The following LOC400499 variants were observed in gnomAD, a reference collection of about 807,000 sequenced individuals.
At chr16:11,441,052 T>C in the LOC400499 span, 7 of 398,964 alleles carry the variant, frequency 1.8e-5, no homozygotes, top group Admixed American at 4.4e-5. Flanking sequence ...ACTTTCAAAG[T>C]GGCCTCGACC....
chr16:11,415,229 T>A, the LOC400499 span, among the ~76,000 whole-genome samples: 1 of 152,184 alleles, frequency 6.6e-6, no homozygotes, highest in Non-Finnish European at 1.5e-5. Flanking sequence ...AGTTTCTTCT[T>A]TGACTTAAAC....
chr16:11,460,727 T>G, the LOC400499 span: 1 of 1,386,954 alleles, frequency 7.2e-7, no homozygotes, highest in Non-Finnish European at 9.5e-7. Context: ...CATGCTTTGC[T>G]CCACCTGTCA....
At chr16:11,462,221 C>T in the LOC400499 span, 5 of 1,532,414 alleles carry the variant, frequency 3.3e-6, no homozygotes, top group Non-Finnish European at 4.4e-6. Context: ...GACGGGGCTG[C>T]CCCCCGTCAC....
At chr16:11,492,465 G>A in the LOC400499 span, among the ~76,000 whole-genome samples, 1 of 152,100 alleles carries the variant, frequency 6.6e-6, no homozygotes, top group Non-Finnish European at 1.5e-5. Context: ...GACAGTCAAT[G>A]AGATTAGCAT....
the LOC400499 span, among the ~76,000 whole-genome samples, chr16:11,445,290 G>A: frequency 6.6e-6 from 1 of 152,002 alleles, no homozygotes; most frequent in Non-Finnish European, 1.5e-5. Flanking sequence ...GAGTGGGAAT[G>A]CACGTCTGTT....
At chr16:11,384,424 A>G in the LOC400499 span, 1 of 573,844 alleles carries the variant, frequency 1.7e-6, no homozygotes, top group East Asian at 3.5e-5. Context: ...GATGAGCCTG[A>G]AGCACACAGA....
the LOC400499 span, among the ~76,000 whole-genome samples, chr16:11,381,947 A>ATT: frequency 7.7e-3 from 1,142 of 147,634 alleles, 10 homozygotes; most frequent in Middle Eastern, 0.014. Context: ...TCATTCTGGA[A>ATT]TTTTTTTTTT....
the LOC400499 span, among the ~76,000 whole-genome samples, chr16:11,496,933 T>C: frequency 1.4e-5 from 2 of 145,296 alleles, no homozygotes; most frequent in African/African-American, 5.2e-5. Flanking sequence ...TGTGTGTGTG[T>C]CTTGACAGGT....
the LOC400499 span, chr16:11,471,311 T>C: frequency 5.7e-6 from 1 of 175,146 alleles, no homozygotes. Context: ...ACAGACCTTA[T>C]CCAAGTAGCT....
At chr16:11,397,797 G>GGGATGGATGGATGGATGGATGGAT in the LOC400499 span, among the ~76,000 whole-genome samples, 2 of 142,268 alleles carry the variant, frequency 1.4e-5, no homozygotes, top group African/African-American at 5.5e-5. Flanking sequence ...GAGGGAGGGA[G>GGGATGGATGGATGGATGGATGGAT]GGATGGACGG....
At chr16:11,500,934 G>A in the LOC400499 span, 9 of 398,946 alleles carry the variant, frequency 2.3e-5, no homozygotes, top group South Asian at 1.3e-4. Flanking sequence ...ACAGTGCTCC[G>A]TCCCACAGGA....
chr16:11,396,548 C>G, the LOC400499 span: 1 of 1,232,184 alleles, frequency 8.1e-7, no homozygotes, highest in Non-Finnish European at 1.0e-6. Context: ...ACGAGGCCTG[C>G]TGTGGTTTTG....
chr16:11,456,718 G>T, the LOC400499 span: 1 of 1,021,768 alleles, frequency 9.8e-7, no homozygotes, highest in Non-Finnish European at 1.4e-6. Context: ...GTGAGCCACT[G>T]TGCCTGGCCC....
chr16:11,385,939 G>T, the LOC400499 span, among the ~76,000 whole-genome samples: 4 of 152,220 alleles, frequency 2.6e-5, no homozygotes, highest in Non-Finnish European at 5.9e-5. Flanking sequence ...GGGGGACTGA[G>T]GCAGGAGGAT....
chr16:11,377,264 G>A, the LOC400499 span, among the ~76,000 whole-genome samples: 1 of 152,128 alleles, frequency 6.6e-6, no homozygotes. Context: ...CAGTGTTCAG[G>A]ATTTTCGACA....
chr16:11,525,024 C>T, the LOC400499 span, among the ~76,000 whole-genome samples: 6 of 152,140 alleles, frequency 3.9e-5, no homozygotes, highest in African/African-American at 1.4e-4. Flanking sequence ...GTGGCTCATG[C>T]CTGTAATCCC....
At chr16:11,437,575 A>G in the LOC400499 span, among the ~76,000 whole-genome samples, 1 of 152,092 alleles carries the variant, frequency 6.6e-6, no homozygotes, top group African/African-American at 2.4e-5. Context: ...TAAAATTAAA[A>G]TTAATGTTTG....
At chr16:11,422,803 C>A in the LOC400499 span, among the ~76,000 whole-genome samples, 4 of 152,202 alleles carry the variant, frequency 2.6e-5, no homozygotes, top group African/African-American at 9.6e-5. Context: ...GCCACCTGAG[C>A]TGAGCTGCAC....
chr16:11,444,881 A>T, the LOC400499 span, among the ~76,000 whole-genome samples: 2 of 152,106 alleles, frequency 1.3e-5, no homozygotes, highest in African/African-American at 4.8e-5. Flanking sequence ...CAGGAGCTCA[A>T]GACCAGCCTG....
Sources: gnomAD v4.1 joint callset for allele counts (sites outside exome capture counted in the v4.1 genomes callset) on GRCh38, gnomAD v4.1.1 for gene constraint, MANE v1.5 for transcripts.